Variants in MTHFS observed in about 807,000 individuals in gnomAD.
The protein encoded by MTHFS is 5-formyltetrahydrofolate cyclo-ligase.
MTHFS carries 7 observed loss-of-function variants against 12.7 expected under a neutral mutation model. The observed-to-expected ratio is 0.55, with a 90% CI of 0.31 to 1.03. The LOEUF is 1.03. Among genes scored for constraint, MTHFS ranks in the 50% least tolerant of loss-of-function variants. MTHFS has a pLI of 0.05. For synonymous variants in MTHFS, 100 were observed against 97.1 expected (o/e 1.03, Z -0.18); for missense variants, 252 against 258.1 (o/e 0.98, Z 0.16).
rs1000712886 is a variant in MTHFS at position 79,878,852 on chromosome 15, G to A, written c.379+10241C>T. ...GGACAAGTCAGCCTAGCACAGGAAA[G>A]CTTATTCCCTTTTTTTTTTTCTTTC... On this transcript the variant is annotated intron_variant, in intron 2 of 2. Transcript: ENST00000258874. 3.0e-5 allele frequency among the ~76,000 whole-genome samples: 4 copies of A among 131,756 alleles called. No homozygotes were observed. The South Asian group carries it at 7.7e-4, about 25-fold the overall frequency. The allele number at this position is 131,756 out of a possible 152,430, so 86.4% of individuals were successfully genotyped here.
intron 1 of MTHFS, 109 bp downstream of exon 1, chr15:79,896,763 G>GGGCGCCTAGCCC: frequency 6.8e-7 from 1 of 1,460,910 alleles, no homozygotes; most frequent in South Asian, 1.3e-5. Flanking sequence ...GGGGGTGGGG[G>GGGCGCCTAGCCC]GGCGCCTAGC....
intron 2 of MTHFS, among the ~76,000 whole-genome samples, chr15:79,883,298 G>C (rs564720421): frequency 6.6e-6 from 1 of 152,198 alleles, no homozygotes; most frequent in Non-Finnish European, 1.5e-5. Context: ...TTTAAATCCA[G>C]ATTTTCTTTC....
chr15:79,885,827 T>C (rs2034373207), intron 2 of MTHFS, among the ~76,000 whole-genome samples: 1 of 152,220 alleles, frequency 6.6e-6, no homozygotes, highest in African/African-American at 2.4e-5. Flanking sequence ...CTGATATAGA[T>C]GGAAGCAAAG....
intron 2 of MTHFS, among the ~76,000 whole-genome samples, chr15:79,853,392 A>AC (rs1337514084): frequency 6.6e-6 from 1 of 152,198 alleles, no homozygotes; most frequent in Non-Finnish European, 1.5e-5. Flanking sequence ...GAATCCCATA[A>AC]CAACCATTAC....
chr15:79,862,435 C>A (rs76364876), intron 2 of MTHFS, among the ~76,000 whole-genome samples: 3,014 of 152,236 alleles, frequency 0.02, 85 homozygotes, highest in African/African-American at 0.068. Context: ...TTAATTACTA[C>A]TTTTGCAAGG....
chr15:79,889,085 A>T lies in MTHFS; in HGVS notation c.379+8T>A. On this transcript the variant is annotated splice_region_variant and intron_variant, in intron 2 of 2. Transcript: ENST00000258874. ...AATCTAACAACATCCTAACACCATA[A>T]TACTCACCTGTGGACAAGGCCTCCT... 1 of 1,614,024 alleles carries T rather than the reference A, an allele frequency of 6.2e-7. No individual in the cohort carries two copies.
intron 2 of MTHFS, among the ~76,000 whole-genome samples, chr15:79,871,712 C>A (rs2034108802): frequency 6.6e-6 from 1 of 151,960 alleles, no homozygotes; most frequent in Non-Finnish European, 1.5e-5. Flanking sequence ...TAAGTACTAC[C>A]AAGGAAACTC....
intron 2 of MTHFS, among the ~76,000 whole-genome samples, chr15:79,868,012 C>A (rs922408692): frequency 1.3e-5 from 2 of 152,156 alleles, no homozygotes; most frequent in African/African-American, 4.8e-5. Flanking sequence ...ATAGACCATG[C>A]TAGCATTTTT....
chr15:79,864,943 T>C (rs2033984391), intron 2 of MTHFS, among the ~76,000 whole-genome samples: 2 of 152,212 alleles, frequency 1.3e-5, no homozygotes, highest in Admixed American at 1.3e-4. Flanking sequence ...CAACAAAAAC[T>C]GTTTTTTAAA....
chr15:79,871,850 T>C (rs1471582845), intron 2 of MTHFS, among the ~76,000 whole-genome samples: 1 of 152,062 alleles, frequency 6.6e-6, no homozygotes, highest in Non-Finnish European at 1.5e-5. Flanking sequence ...CTAATGCCTG[T>C]AATCTCAGCA....
Position 79,888,038 on chromosome 15 carries a change from T to G in MTHFS, c.379+1055A>C, listed in dbSNP as rs141871823. On this transcript the variant is annotated intron_variant, in intron 2 of 2. Coordinates refer to ENST00000258874, the MANE Select transcript of MTHFS (RefSeq NM_006441.4). ...GCATAAAGTTGTGCTAGGGCTTCTT[T>G]GCAACCACTTAAGTCTTAGTCAAAA... is the stretch of plus-strand genomic sequence containing the variant. 8.0e-3 allele frequency among the ~76,000 whole-genome samples: 1,214 copies of G among 152,306 alleles called. 22 individuals carry two copies. The highest frequency in any genetic ancestry group is 0.027 in the African/African-American group (1,104 of 41,564).
chr15:79,862,359 A>G (rs892223008), intron 2 of MTHFS, among the ~76,000 whole-genome samples: 8 of 152,250 alleles, frequency 5.3e-5, no homozygotes, highest in African/African-American at 1.9e-4. Context: ...ACCTGGGGTC[A>G]GCCAATTAAA....
intron 2 of MTHFS, among the ~76,000 whole-genome samples, chr15:79,860,869 T>C (rs1361432076): frequency 6.6e-6 from 1 of 152,242 alleles, no homozygotes; most frequent in Non-Finnish European, 1.5e-5. Flanking sequence ...GTATGTTTCC[T>C]TCTGATACAA....
chr15:79,856,202 T>C (rs986728449), intron 2 of MTHFS, among the ~76,000 whole-genome samples: 4 of 152,222 alleles, frequency 2.6e-5, no homozygotes, highest in African/African-American at 9.6e-5. Context: ...TTTTTACCAA[T>C]AGCCATTCTG....
At chr15:79,887,174 G>A (rs781055983) in intron 2 of MTHFS, among the ~76,000 whole-genome samples, 11 of 152,212 alleles carry the variant, frequency 7.2e-5, no homozygotes, top group Non-Finnish European at 1.5e-4. Context: ...GCAGTGAGCC[G>A]AGATAGCGCC....
At chr15:79,881,415 G>T (rs1202306832) in intron 2 of MTHFS, among the ~76,000 whole-genome samples, 2 of 152,164 alleles carry the variant, frequency 1.3e-5, no homozygotes, top group African/African-American at 4.8e-5. Flanking sequence ...TCTCTGAAAT[G>T]AGGATATATT....
chr15:79,889,852 C>T (rs527582290), intron 1 of MTHFS, among the ~76,000 whole-genome samples: 4 of 152,142 alleles, frequency 2.6e-5, no homozygotes, highest in African/African-American at 9.7e-5. Flanking sequence ...TCTGCCGAAC[C>T]CTTACTACAT....
intron 1 of MTHFS, among the ~76,000 whole-genome samples, chr15:79,893,809 A>C (rs1465775340): frequency 6.6e-6 from 1 of 152,196 alleles, no homozygotes; most frequent in Non-Finnish European, 1.5e-5. Context: ...ACAGTGAGTA[A>C]AGGGGCACTA....
intron 2 of MTHFS, among the ~76,000 whole-genome samples, chr15:79,853,110 C>A (rs1304014874): frequency 6.6e-6 from 1 of 152,108 alleles, no homozygotes; most frequent in Admixed American, 6.5e-5. Flanking sequence ...TACAGGTTCA[C>A]CCCTATAAGG....
Sources: gnomAD v4.1 joint callset for allele counts (sites outside exome capture counted in the v4.1 genomes callset) on GRCh38, gnomAD v4.1.1 for gene constraint, MANE v1.5 for transcripts, NCBI Gene and HGNC (gene_info 2026-07-23, HGNC 2026-07-21) for gene names.